Variants in SEMA6D observed in about 807,000 individuals in gnomAD.
SEMA6D encodes semaphorin 6D.
A neutral mutation model predicts 106.6 loss-of-function variants in SEMA6D; 35 were observed. That is an observed-to-expected ratio of 0.33 (90% confidence interval 0.25 to 0.44). The LOEUF (loss-of-function observed/expected upper bound fraction) is 0.44, where lower values mean the gene tolerates loss of function less well. SEMA6D is among the 20% of genes least tolerant of loss of function. SEMA6D has a pLI of 1.00. For missense variants in SEMA6D, 1,185 were observed against 1,345.9 expected (o/e 0.88, Z 1.87); for synonymous variants, 499 against 487.7 (o/e 1.02, Z -0.31).
At chr15:47,573,883 T>G (rs1466766123) in intron 3 of SEMA6D, among the ~76,000 whole-genome samples, 1 of 152,192 alleles carries the variant, frequency 6.6e-6, no homozygotes, top group Non-Finnish European at 1.5e-5. Flanking sequence ...ACTCCATACA[T>G]CTGATTTCAA....
chr15:47,714,327 A>C (rs1308047987), upstream of SEMA6D, among the ~76,000 whole-genome samples: 16 of 151,958 alleles, frequency 1.1e-4, no homozygotes, highest in Admixed American at 1.0e-3. Flanking sequence ...CAGTTTTCTC[A>C]TCTATAAAAA....
At chr15:47,337,749 G>A (rs1595761760) in intron 1 of SEMA6D, among the ~76,000 whole-genome samples, 1 of 152,154 alleles carries the variant, frequency 6.6e-6, no homozygotes, top group African/African-American at 2.4e-5. Context: ...CACTCAGCGT[G>A]GGGAGGACTC....
At chr15:47,519,517 G>T (rs542952441) in intron 3 of SEMA6D, among the ~76,000 whole-genome samples, 1 of 152,118 alleles carries the variant, frequency 6.6e-6, no homozygotes, top group Non-Finnish European at 1.5e-5. Context: ...GTTTTATTCC[G>T]TAAACAACAT....
At chr15:47,585,963 G>A (rs1342410054) in intron 3 of SEMA6D, among the ~76,000 whole-genome samples, 1 of 152,200 alleles carries the variant, frequency 6.6e-6, no homozygotes, top group Non-Finnish European at 1.5e-5. Context: ...AAGGAGGGAT[G>A]AGACTATGGG....
At chr15:47,431,830 A>G (rs2041536917) in intron 2 of SEMA6D, among the ~76,000 whole-genome samples, 1 of 152,160 alleles carries the variant, frequency 6.6e-6, no homozygotes, top group African/African-American at 2.4e-5. Context: ...TTATGTGACT[A>G]AAAGATATCT....
intron 2 of SEMA6D, among the ~76,000 whole-genome samples, chr15:47,453,498 G>T (rs1457299114): frequency 6.6e-6 from 1 of 151,916 alleles, no homozygotes; most frequent in Non-Finnish European, 1.5e-5. Flanking sequence ...AGTTCATTAT[G>T]TGCACAAAAG....
At chr15:47,234,326 A>G (rs1433320084) in intron 1 of SEMA6D, among the ~76,000 whole-genome samples, 2 of 151,926 alleles carry the variant, frequency 1.3e-5, no homozygotes, top group Admixed American at 6.6e-5. Context: ...ATACATATAT[A>G]AAAATATATA....
chr15:47,245,201 C>A (rs1037244081), intron 1 of SEMA6D, among the ~76,000 whole-genome samples: 1 of 151,920 alleles, frequency 6.6e-6, no homozygotes, highest in African/African-American at 2.4e-5. Flanking sequence ...ATTTATTTTT[C>A]TTTTGGTATA....
At position 47,193,973 on chromosome 15, in the gene SEMA6D, TG is replaced by T. The variant is rs1478032318; in HGVS notation, c.-239+9556del. 2.0e-5 allele frequency among the ~76,000 whole-genome samples: 3 copies of T among 152,240 alleles called. No homozygotes were observed. In the East Asian group the frequency reaches 5.8e-4, roughly 29 times the overall value. ...TTTAAATTCTGTGAAACAAGGATAA[TG>T]TCTGTTGTGATTACATTTGTTCCCT... is the stretch of plus-strand genomic sequence containing the variant. On this transcript the variant is annotated intron_variant, in intron 1 of 19. Transcript: ENST00000558014.
intron 1 of SEMA6D, among the ~76,000 whole-genome samples, chr15:47,389,912 C>T (rs1330146932): frequency 2.0e-5 from 3 of 152,180 alleles, no homozygotes; most frequent in Non-Finnish European, 4.4e-5. Context: ...TCCTAATGCC[C>T]TCTCCCAGCA....
At chr15:47,604,214 T>G (rs2076725104) in intron 4 of SEMA6D, 1 of 152,206 alleles carries the variant, frequency 6.6e-6, no homozygotes, top group African/African-American at 2.4e-5. Context: ...AAAACCAAAT[T>G]AATTTGACTT....
At chr15:47,765,084 C>T in intron 13 of SEMA6D, 28 bp downstream of exon 13, 2 of 1,601,322 alleles carry the variant, frequency 1.2e-6, no homozygotes, top group Non-Finnish European at 1.7e-6. Context: ...GAACGCCCTT[C>T]AGCACTGCTC....
At position 47,771,396 on chromosome 15, in the gene SEMA6D, G is replaced by A. The variant is rs2082620661; in HGVS notation, c.2833G>A (p.Val945Met). Residue 945 changes from valine (V) to methionine (M), a missense_variant, in exon 19 of 19, where the codon GTG (valine) becomes ATG (methionine). Coordinates refer to ENST00000536845, the MANE Select transcript of SEMA6D (RefSeq NM_001358351.3). ...TLPRNSPTKR[V>M]DVPTTPGVPM... ...CCCCAGAAATAGCCCAACCAAGCGAGTGGATGTCCCCACCACTCCTGGAGT... is the reference window on the plus strand; with the variant it reads ...CCCCAGAAATAGCCCAACCAAGCGAATGGATGTCCCCACCACTCCTGGAGT... 1 of 1,614,086 alleles carries A rather than the reference G, an allele frequency of 6.2e-7. No homozygotes were observed. The highest frequency in any genetic ancestry group is 1.1e-5 in the South Asian group (1 of 91,070).
intron 1 of SEMA6D, among the ~76,000 whole-genome samples, chr15:47,203,514 TC>T (rs1397406012): frequency 6.6e-6 from 1 of 152,152 alleles, no homozygotes; most frequent in Non-Finnish European, 1.5e-5. Context: ...TAACCTTTGT[TC>T]CTGTGCCTTT....
chr15:47,489,713 G>A (rs1179331036), intron 3 of SEMA6D, among the ~76,000 whole-genome samples: 7 of 151,712 alleles, frequency 4.6e-5, no homozygotes, highest in African/African-American at 1.2e-4. Flanking sequence ...GTGCAGTGGC[G>A]CGATCTTGGC....
chr15:47,552,817 A>AATATAT lies in SEMA6D; in HGVS notation c.-86-48043_-86-48038dup, dbSNP rs1456894382. ...TTATATATATATAAAAATATATATA[A>AATATAT]ATATATATATTTTTATATATATATA... On this transcript the variant is annotated intron_variant, in intron 3 of 19. Coordinates refer to the SEMA6D transcript ENST00000558014. Among the ~76,000 whole-genome samples the AATATAT allele has an allele frequency of 5.6e-3, 75 of 13,498 alleles. 4 individuals carry two copies. The highest frequency in any genetic ancestry group is 0.011 in the African/African-American group (71 of 6,398). 8.9% of individuals were successfully genotyped at this position (13,498 alleles called of 152,430 possible). A position where few individuals can be genotyped will look rare whatever the true frequency, so the allele number is the denominator to read the frequency against.
intron 4 of SEMA6D, among the ~76,000 whole-genome samples, chr15:47,661,176 A>G (rs1566968023): frequency 6.6e-6 from 1 of 152,288 alleles, no homozygotes; most frequent in Admixed American, 6.5e-5. Flanking sequence ...CCAATATGCA[A>G]TTCCCTGGGG....
At chr15:47,651,106 T>A (rs1229133515) in intron 4 of SEMA6D, among the ~76,000 whole-genome samples, 2 of 152,156 alleles carry the variant, frequency 1.3e-5, no homozygotes, top group Non-Finnish European at 2.9e-5. Flanking sequence ...TCCTATGAGC[T>A]ACCAAAAAAT....
intron 2 of SEMA6D, among the ~76,000 whole-genome samples, chr15:47,448,154 C>T (rs2042083320): frequency 1.3e-5 from 2 of 152,080 alleles, no homozygotes; most frequent in African/African-American, 4.8e-5. Flanking sequence ...TGTGTTGTTT[C>T]TGCACTCACT....
Sources: gnomAD v4.1 joint callset for allele counts (sites outside exome capture counted in the v4.1 genomes callset) on GRCh38, gnomAD v4.1.1 for gene constraint, MANE v1.5 for transcripts, NCBI Gene and HGNC (gene_info 2026-07-23, HGNC 2026-07-21) for gene names.